Variants in IL5RA observed in about 807,000 individuals in gnomAD.
IL5RA encodes the protein interleukin 5 receptor subunit alpha.
In IL5RA, 49 loss-of-function variants were observed where a neutral mutation model predicts 50.0. That is an observed-to-expected ratio of 0.98 (90% CI 0.78 to 1.24). The LOEUF (loss-of-function observed/expected upper bound fraction) is 1.24. Among genes scored for constraint, IL5RA ranks in the 50% most tolerant of loss-of-function variants. The pLI is 0.00. For synonymous variants in IL5RA, 202 were observed against 174.0 expected (o/e 1.16, Z -1.26); for missense variants, 600 against 500.4 (o/e 1.20, Z -1.90).
chr3:3,087,532 T>C (rs1702919457), intron 9 of IL5RA, among the ~76,000 whole-genome samples: 1 of 152,224 alleles, frequency 6.6e-6, no homozygotes, highest in South Asian at 2.1e-4. Context: ...GGCTCATATG[T>C]CATCTATTTG....
At chr3:3,084,053 T>TAAAAA (rs11399967) in intron 9 of IL5RA, among the ~76,000 whole-genome samples, 30 of 99,420 alleles carry the variant, frequency 3.0e-4, no homozygotes, top group Non-Finnish European at 5.5e-4. Context: ...CTCCATCTCA[T>TAAAAA]AAAAAAAAAA....
intron 2 of IL5RA, among the ~76,000 whole-genome samples, chr3:3,107,659 A>G (rs931674977): frequency 2.0e-5 from 3 of 152,340 alleles, no homozygotes; most frequent in South Asian, 2.1e-4. Context: ...GACATGCTCA[A>G]TCTTTAAGAG....
At position 3,088,442 on chromosome 3, in the gene IL5RA, T is replaced by C. The variant is rs190981419; in HGVS notation, c.994+3782A>G. ...AGGAGATCACGATTCCTTCTGACAA[T>C]CTAAATTTAGCCTCAGAATCCTCAA... On this transcript the variant is annotated intron_variant, in intron 9 of 11. Coordinates refer to ENST00000446632, the MANE Select transcript of IL5RA (RefSeq NM_175726.4). Among the ~76,000 whole-genome samples the C allele has an allele frequency of 1.1e-4, 17 of 152,312 alleles. No homozygotes were observed. In the East Asian group the frequency reaches 3.3e-3, roughly 29 times the overall value.
intron 1 of IL5RA, among the ~76,000 whole-genome samples, chr3:3,109,600 C>A (rs552025032): frequency 1.3e-5 from 2 of 152,232 alleles, no homozygotes; most frequent in African/African-American, 2.4e-5. Context: ...CACCTTGCCA[C>A]GGATTTGCAC....
chr3:3,082,624 C>G (rs540181137), intron 9 of IL5RA, among the ~76,000 whole-genome samples: 1 of 152,284 alleles, frequency 6.6e-6, no homozygotes, highest in South Asian at 2.1e-4. Context: ...TTCTATGACC[C>G]TAGAATGTAT....
rs199874686 is a variant in IL5RA, at chr3:3,092,370, G to C, written c.856-8C>G. On this transcript the variant is annotated splice_polypyrimidine_tract_variant and splice_region_variant and intron_variant, in intron 8 of 11. Coordinates refer to ENST00000446632, the MANE Select transcript of IL5RA (RefSeq NM_175726.4). The surrounding 1 kb of genome is among the most constrained non-coding windows in gnomAD (Gnocchi z 4.2). Reference sequence around the variant, plus strand: ...GGTCATCAATTTTTCTATCTAAGTGGGGAAAGATAGCATTAGAAGAATCTC... The same window carrying C: ...GGTCATCAATTTTTCTATCTAAGTGCGGAAAGATAGCATTAGAAGAATCTC... 2 of 1,611,492 alleles carry C rather than the reference G, an allele frequency of 1.2e-6. No individual in the cohort carries two copies. The highest frequency in any genetic ancestry group is 8.5e-7 in the Non-Finnish European group (1 of 1,179,162).
At chr3:3,078,394 C>T (rs1702556674) in intron 9 of IL5RA, among the ~76,000 whole-genome samples, 1 of 152,182 alleles carries the variant, frequency 6.6e-6, no homozygotes, top group African/African-American at 2.4e-5. Flanking sequence ...TCTTCTACCT[C>T]CCGAAAGTTT....
At chr3:3,096,664 G>A (rs1703381633) in intron 7 of IL5RA, among the ~76,000 whole-genome samples, 1 of 152,002 alleles carries the variant, frequency 6.6e-6, no homozygotes, top group Non-Finnish European at 1.5e-5. Context: ...TTGTTTCCTA[G>A]GTCTTCCTCG....
chr3:3,071,172 C>T (rs1263137997), intron 11 of IL5RA, among the ~76,000 whole-genome samples: 2 of 152,222 alleles, frequency 1.3e-5, no homozygotes, highest in Non-Finnish European at 2.9e-5. Flanking sequence ...CCACACTAGC[C>T]ACAGTGCCGT....
chr3:3,100,556 T>C (rs896779749), intron 5 of IL5RA, among the ~76,000 whole-genome samples: 1 of 152,244 alleles, frequency 6.6e-6, no homozygotes, highest in Admixed American at 6.5e-5. Flanking sequence ...CTTTGTCTTA[T>C]AGTTCTCATC....
rs138591145 is a variant in IL5RA at position 3,068,600 on chromosome 3, A to AC, written c.*1624_*1625insG. 0.21 allele frequency: 29,065 copies of AC among 141,050 alleles called. 3,216 individuals are homozygous for AC. The highest frequency in any genetic ancestry group is 0.34 in the South Asian group (1,460 of 4,308). The allele number at this position is 141,050 out of a possible 1,614,324, so 8.7% of individuals were successfully genotyped here. A position where few individuals can be genotyped will look rare whatever the true frequency, so the allele number is the denominator to read the frequency against. On this transcript the variant is annotated 3_prime_UTR_variant, in exon 12 of 12. Transcript: ENST00000446632. The stretch of plus-strand genomic sequence containing the variant: ...CCACCCACCCCACAAAAAAAAAAAA[A>AC]AAAAAAAACAAAAACAGGTTTGAGA...
At chr3:3,086,570 C>G (rs141510892) in intron 9 of IL5RA, among the ~76,000 whole-genome samples, 1 of 151,990 alleles carries the variant, frequency 6.6e-6, no homozygotes, top group Non-Finnish European at 1.5e-5. Flanking sequence ...AATCCCAGCC[C>G]AGCTATAGTC....
At position 3,090,369 on chromosome 3, in the gene IL5RA, A is replaced by G. The variant is rs1219651517; in HGVS notation, c.994+1855T>C. ...GCTCCAGTCTTCTTCCCACCATCCCATGCTCTTATAGACCTAGTGCAACAG... is the reference window on the plus strand; with the variant it reads ...GCTCCAGTCTTCTTCCCACCATCCCGTGCTCTTATAGACCTAGTGCAACAG... On this transcript the variant is annotated intron_variant, in intron 9 of 11. Coordinates refer to ENST00000446632, the MANE Select transcript of IL5RA (RefSeq NM_175726.4). The G allele has an allele frequency of 1.3e-5, 10 of 759,874 alleles. No individual in the cohort carries two copies. The East Asian group carries it at 2.3e-4, about 17-fold the overall frequency. 47.1% of individuals were successfully genotyped at this position (759,874 alleles called of 1,614,324 possible).
chr3:3,090,733 A>G (rs539390868), intron 9 of IL5RA, among the ~76,000 whole-genome samples: 1 of 151,642 alleles, frequency 6.6e-6, no homozygotes, highest in African/African-American at 2.4e-5. Context: ...CGCCCGGCTA[A>G]TTTTTTGTTG....
intron 2 of IL5RA, among the ~76,000 whole-genome samples, chr3:3,107,711 T>C (rs1703995686): frequency 6.6e-6 from 1 of 152,212 alleles, no homozygotes; most frequent in African/African-American, 2.4e-5. Flanking sequence ...TAACATTTCA[T>C]TGAGTCAATC....
rs1269792783 is a variant in IL5RA, at chr3:3,066,685, T to C, written c.*3540A>G. 1.3e-5 allele frequency: 2 copies of C among 152,224 alleles called. 1 individual carries two copies. Among genetic ancestry groups the C allele is most frequent in the African/African-American group, 4.8e-5 (2 of 41,458 alleles). The allele number at this position is 152,224 out of a possible 1,614,324, so 9.4% of individuals were successfully genotyped here. A position where few individuals can be genotyped will look rare whatever the true frequency, so the allele number is the denominator to read the frequency against. The stretch of plus-strand genomic sequence containing the variant: ...CAGATGGTCCTGACACATAGAAGTC[T>C]CACCATGAAAACGTTTGGATTTTTA... On this transcript the variant is annotated 3_prime_UTR_variant, in exon 12 of 12. Transcript: ENST00000446632.
chr3:3,104,318 T>A (rs1369774012), intron 3 of IL5RA, among the ~76,000 whole-genome samples: 1 of 152,180 alleles, frequency 6.6e-6, no homozygotes, highest in Non-Finnish European at 1.5e-5. Flanking sequence ...GGATTACAGG[T>A]GTGAGCCACT....
In IL5RA at chr3:3,066,386, C is replaced by T. The variant is rs1702138516; in HGVS notation, c.*3839G>A. 2 of 152,126 alleles carry T rather than the reference C, an allele frequency of 1.3e-5. No individual in the cohort carries two copies. The highest frequency in any genetic ancestry group is 1.3e-4 in the Admixed American group (2 of 15,280). 9.4% of individuals were successfully genotyped at this position (152,126 alleles called of 1,614,324 possible). A position where few individuals can be genotyped will look rare whatever the true frequency, so the allele number is the denominator to read the frequency against. ...ACATATTTATATTCACATCTATTAC[C>T]TACAAAACAGGAGATAAGCATGATT... On this transcript the variant is annotated 3_prime_UTR_variant, in exon 12 of 12. Coordinates refer to ENST00000446632, the MANE Select transcript of IL5RA (RefSeq NM_175726.4).
intron 5 of IL5RA, among the ~76,000 whole-genome samples, chr3:3,099,874 T>G (rs1399438815): frequency 6.6e-6 from 1 of 152,026 alleles, no homozygotes; most frequent in African/African-American, 2.4e-5. Context: ...TTCACCATGT[T>G]GGCCAGGCTG....
Sources: gnomAD v4.1 joint callset for allele counts (sites outside exome capture counted in the v4.1 genomes callset) on GRCh38, gnomAD v4.1.1 for gene constraint, Gnocchi (gnomAD v3.1) non-coding constraint, MANE v1.5 for transcripts, NCBI Gene and HGNC (gene_info 2026-07-23, HGNC 2026-07-21) for gene names.